Variants in KLHL29 observed in about 807,000 individuals in gnomAD.
KLHL29 encodes kelch like family member 29.
In KLHL29, 21 loss-of-function variants were observed where a neutral mutation model predicts 80.4. That is an observed-to-expected ratio of 0.26 (90% CI 0.19 to 0.38). The LOEUF is 0.38. Ranked by LOEUF, KLHL29 falls within the 10% of genes least tolerant of loss-of-function variation. KLHL29 has a pLI of 1.00. For missense variants in KLHL29, 867 were observed against 1,223.9 expected (o/e 0.71, Z 4.35); for synonymous variants, 511 against 526.8 (o/e 0.97, Z 0.41).
intron 3 of KLHL29, among the ~76,000 whole-genome samples, chr2:23,570,283 G>A (rs1667687501): frequency 6.6e-6 from 1 of 152,184 alleles, no homozygotes; most frequent in African/African-American, 2.4e-5. Flanking sequence ...GGAAAGGTGG[G>A]TGAATACTTT....
At chr2:23,497,077 A>G (rs1665289521) in intron 2 of KLHL29, among the ~76,000 whole-genome samples, 2 of 150,886 alleles carry the variant, frequency 1.3e-5, no homozygotes, top group South Asian at 4.2e-4. Context: ...AAAAAAAACT[A>G]TGAGCCCTTT....
chr2:23,615,206 G>T (rs933331305), intron 3 of KLHL29, among the ~76,000 whole-genome samples: 1 of 152,236 alleles, frequency 6.6e-6, no homozygotes. Flanking sequence ...AAGCCCGGGG[G>T]CAGGCTTTGT....
intron 1 of KLHL29, among the ~76,000 whole-genome samples, chr2:23,400,102 T>C (rs930831786): frequency 6.6e-6 from 1 of 152,180 alleles, no homozygotes; most frequent in East Asian, 1.9e-4. Context: ...TTTTGGTGAC[T>C]CAGCACTAGG....
chr2:23,450,044 CTT>C (rs2103420784), intron 1 of KLHL29, among the ~76,000 whole-genome samples: 1 of 152,334 alleles, frequency 6.6e-6, no homozygotes, highest in Admixed American at 6.5e-5. Flanking sequence ...CAAAGACAGT[CTT>C]TTGACATCTC....
At chr2:23,564,192 T>C (rs1164021495) in intron 3 of KLHL29, among the ~76,000 whole-genome samples, 1 of 152,118 alleles carries the variant, frequency 6.6e-6, no homozygotes. Flanking sequence ...GGGGATGAAG[T>C]GGAGGGGCTC....
At chr2:23,480,880 G>A (rs1056751321) in intron 2 of KLHL29, among the ~76,000 whole-genome samples, 1 of 152,138 alleles carries the variant, frequency 6.6e-6, no homozygotes, top group Non-Finnish European at 1.5e-5. Flanking sequence ...GGATTCTGTG[G>A]CAGTTCATGT....
At chr2:23,410,305 G>A (rs1666832068) in intron 1 of KLHL29, among the ~76,000 whole-genome samples, 1 of 151,952 alleles carries the variant, frequency 6.6e-6, no homozygotes, top group Non-Finnish European at 1.5e-5. Context: ...GATGGTGCAT[G>A]TGGAGACAGG....
At chr2:23,451,933 T>A (rs1288527143) in intron 1 of KLHL29, among the ~76,000 whole-genome samples, 1 of 152,080 alleles carries the variant, frequency 6.6e-6, no homozygotes, top group African/African-American at 2.4e-5. Context: ...TCAGGATGCT[T>A]CTAATCAGGG....
chr2:23,533,939 T>TG (rs1371240014), intron 2 of KLHL29, among the ~76,000 whole-genome samples: 3 of 151,954 alleles, frequency 2.0e-5, no homozygotes, highest in Non-Finnish European at 4.4e-5. Flanking sequence ...TCTGTTGTTT[T>TG]TTTTTTTTTA....
At chr2:23,639,561 A>G (rs1558419441) in intron 4 of KLHL29, among the ~76,000 whole-genome samples, 2 of 152,202 alleles carry the variant, frequency 1.3e-5, no homozygotes, top group Admixed American at 6.5e-5. Context: ...TTGAATCATC[A>G]TTCCCAAACC....
intron 1 of KLHL29, among the ~76,000 whole-genome samples, chr2:23,420,118 G>A (rs902410017): frequency 3.9e-5 from 6 of 152,094 alleles, no homozygotes; most frequent in South Asian, 4.1e-4. Context: ...CCTTGGCCTC[G>A]CCCACCATCA....
intron 2 of KLHL29, among the ~76,000 whole-genome samples, chr2:23,545,549 G>T (rs575285094): frequency 4.4e-4 from 67 of 152,364 alleles, no homozygotes; most frequent in Non-Finnish European, 5.4e-4. Flanking sequence ...GAGCTCAGGG[G>T]TGTGGAGAGA....
At chr2:23,531,416 A>T (rs1312542898) in intron 2 of KLHL29, among the ~76,000 whole-genome samples, 1 of 151,934 alleles carries the variant, frequency 6.6e-6, no homozygotes, top group Admixed American at 6.6e-5. Flanking sequence ...TCCCCCACCC[A>T]CCCACTACCA....
intron 1 of KLHL29, among the ~76,000 whole-genome samples, chr2:23,434,097 G>A (rs1042185953): frequency 2.0e-5 from 3 of 151,854 alleles, no homozygotes; most frequent in Admixed American, 6.6e-5. Context: ...CGAGACGGGC[G>A]GATCACGAGG....
chr2:23,654,550 C>A (rs914917467), intron 5 of KLHL29, among the ~76,000 whole-genome samples: 1 of 152,152 alleles, frequency 6.6e-6, no homozygotes, highest in African/African-American at 2.4e-5. Context: ...GTGGCCTCCC[C>A]CTGGGTCTTT....
chr2:23,486,961 A>T (rs1664946764), intron 2 of KLHL29, among the ~76,000 whole-genome samples: 1 of 152,206 alleles, frequency 6.6e-6, no homozygotes, highest in Non-Finnish European at 1.5e-5. Flanking sequence ...GAATCCTCCC[A>T]GTGGCCTTAG....
chr2:23,691,361 G>A (rs751921566), intron 6 of KLHL29: 30 of 406,228 alleles, frequency 7.4e-5, no homozygotes, highest in Middle Eastern at 7.5e-4. Context: ...GGGCTGAACC[G>A]TATTGTTTCC....
At chr2:23,698,568 A>AATT (rs35676725) in intron 11 of KLHL29, among the ~76,000 whole-genome samples, 73,830 of 151,710 alleles carry the variant, frequency 0.49, 18,689 homozygotes, top group East Asian at 0.79. Context: ...GGTGCATTAT[A>AATT]ATTATATTAC....
intron 2 of KLHL29, among the ~76,000 whole-genome samples, chr2:23,514,159 AG>A (rs1665856562): frequency 6.6e-6 from 1 of 152,254 alleles, no homozygotes; most frequent in African/African-American, 2.4e-5. Flanking sequence ...AGGGTTTGTA[AG>A]GGGGGAGGCA....
Sources: allele counts gnomAD v4.1 joint callset (sites outside exome capture counted in the v4.1 genomes callset), GRCh38; gene constraint gnomAD v4.1.1; transcripts MANE v1.5; gene names NCBI Gene and HGNC (gene_info 2026-07-23, HGNC 2026-07-21).